The following EYS variants were observed in gnomAD, a reference collection of about 807,000 sequenced individuals.
The protein encoded by EYS is EGF-like photoreceptor maintenance factor.
EYS carries 250 observed loss-of-function variants against 282.1 expected under a neutral mutation model. That is an observed-to-expected ratio of 0.89 (90% confidence interval 0.80 to 0.98). The LOEUF is 0.98. Ranked by LOEUF, EYS falls within the 50% of genes least tolerant of loss-of-function variation. The pLI, the probability that EYS is intolerant of heterozygous loss-of-function variation, is 0.00. For synonymous variants in EYS, 1,355 were observed against 1,282.9 expected (o/e 1.06, Z -1.20); for missense variants, 4,016 against 3,709.0 (o/e 1.08, Z -2.15).
intron 12 of EYS, among the ~76,000 whole-genome samples, chr6:65,185,037 GA>G (rs200241313): frequency 0.11 from 15,431 of 144,418 alleles, 1,172 homozygotes; most frequent in African/African-American, 0.22. Flanking sequence ...AAAAAAGAAA[GA>G]AAAAAAAAAC....
At chr6:63,894,620 C>T (rs1205823734) in intron 35 of EYS, among the ~76,000 whole-genome samples, 9 of 151,448 alleles carry the variant, frequency 5.9e-5, no homozygotes, top group South Asian at 2.1e-4. Flanking sequence ...CTCACTCTGT[C>T]GCCCAGGCTG....
intron 35 of EYS, among the ~76,000 whole-genome samples, chr6:63,881,509 T>C (rs1773131763): frequency 6.6e-6 from 1 of 152,212 alleles, no homozygotes; most frequent in Admixed American, 6.5e-5. Context: ...TGGTAACTAA[T>C]ATATATAAAT....
At chr6:65,597,198 G>A (rs1301458672) in intron 2 of EYS, among the ~76,000 whole-genome samples, 1 of 151,968 alleles carries the variant, frequency 6.6e-6, no homozygotes, top group Non-Finnish European at 1.5e-5. Context: ...TTAATTGTAG[G>A]GCTCTCCTGT....
intron 29 of EYS, among the ~76,000 whole-genome samples, chr6:64,364,890 C>A (rs112020286): frequency 2.0e-5 from 3 of 151,892 alleles, no homozygotes; most frequent in Admixed American, 1.3e-4. Flanking sequence ...ACTGGTACCC[C>A]TAAATCTATA....
At chr6:64,165,720 T>C (rs1379492456) in intron 31 of EYS, among the ~76,000 whole-genome samples, 4 of 152,172 alleles carry the variant, frequency 2.6e-5, no homozygotes, top group Admixed American at 2.6e-4. Flanking sequence ...ATGATTCCCA[T>C]TAATATGGCT....
At chr6:65,178,799 G>A (rs550986807) in intron 12 of EYS, among the ~76,000 whole-genome samples, 33 of 151,902 alleles carry the variant, frequency 2.2e-4, no homozygotes, top group East Asian at 7.8e-4. Context: ...AAAATTGACC[G>A]TATAGTTGGA....
intron 5 of EYS, among the ~76,000 whole-genome samples, chr6:65,465,882 G>T (rs989942105): frequency 4.6e-5 from 7 of 152,122 alleles, no homozygotes; most frequent in Non-Finnish European, 7.4e-5. Flanking sequence ...TGTGGTGGGA[G>T]GATCCCTTGA....
intron 2 of EYS, among the ~76,000 whole-genome samples, chr6:65,618,122 T>C (rs376315371): frequency 5.3e-4 from 80 of 151,832 alleles, no homozygotes; most frequent in East Asian, 1.9e-3. Context: ...CCTGAGGAAT[T>C]GCCACACTGA....
chr6:64,234,663 C>T (rs1302577827), intron 30 of EYS, among the ~76,000 whole-genome samples: 3 of 152,092 alleles, frequency 2.0e-5, no homozygotes, highest in Admixed American at 2.0e-4. Context: ...TTGTCATTCT[C>T]AAAAGAAATG....
intron 33 of EYS, among the ~76,000 whole-genome samples, chr6:64,052,179 A>G (rs1320938080): frequency 6.6e-6 from 1 of 152,118 alleles, no homozygotes; most frequent in Non-Finnish European, 1.5e-5. Context: ...AAAATTTGCT[A>G]TTTTCTCAGT....
chr6:63,914,435 G>A (rs957258905), intron 35 of EYS, among the ~76,000 whole-genome samples: 2 of 152,320 alleles, frequency 1.3e-5, no homozygotes, highest in East Asian at 3.9e-4. Context: ...AAGGCCGGGT[G>A]CAGTGGCTCA....
intron 22 of EYS, among the ~76,000 whole-genome samples, chr6:64,697,287 A>T (rs978638038): frequency 1.3e-5 from 2 of 152,184 alleles, no homozygotes; most frequent in African/African-American, 4.8e-5. Flanking sequence ...AATCAAAAAC[A>T]GTAAAAAAAG....
intron 13 of EYS, among the ~76,000 whole-genome samples, chr6:65,024,984 A>G (rs1184121547): frequency 1.3e-5 from 2 of 152,216 alleles, no homozygotes; most frequent in African/African-American, 2.4e-5. Context: ...AGAAGCAGAT[A>G]AATACCTCTA....
At chr6:64,746,423 C>T (rs1430661200) in intron 22 of EYS, among the ~76,000 whole-genome samples, 2 of 151,948 alleles carry the variant, frequency 1.3e-5, no homozygotes, top group Non-Finnish European at 2.9e-5. Context: ...ATTGGACTTC[C>T]TAGCCTCCAG....
At chr6:64,130,041 T>A (rs13214312) in intron 31 of EYS, among the ~76,000 whole-genome samples, 1 of 152,072 alleles carries the variant, frequency 6.6e-6, no homozygotes, top group South Asian at 2.1e-4. Context: ...AGCCTTGTAG[T>A]ATAGTTTGAA....
intron 13 of EYS, among the ~76,000 whole-genome samples, chr6:65,014,420 A>T (rs1454450965): frequency 6.6e-6 from 1 of 152,192 alleles, no homozygotes; most frequent in Non-Finnish European, 1.5e-5. Flanking sequence ...ACAGAAAAGT[A>T]ATACAGTCAA....
intron 5 of EYS, among the ~76,000 whole-genome samples, chr6:65,440,665 AT>A (rs903705830): frequency 2.0e-3 from 297 of 150,768 alleles, no homozygotes; most frequent in African/African-American, 7.0e-3. Flanking sequence ...TGTAAAGCTA[AT>A]TTTTTTTGTA....
chr6:63,980,986 G>C (rs1308946769), intron 35 of EYS, among the ~76,000 whole-genome samples: 1 of 151,838 alleles, frequency 6.6e-6, no homozygotes, highest in African/African-American at 2.4e-5. Flanking sequence ...TCACTCAGTA[G>C]CACAGGGTTT....
At chr6:63,817,589 G>A (rs1771212173) in intron 36 of EYS, among the ~76,000 whole-genome samples, 1 of 152,168 alleles carries the variant, frequency 6.6e-6, no homozygotes, top group African/African-American at 2.4e-5. Context: ...AGGAGAAAAT[G>A]TAGTTTGTAC....
Sources: gnomAD v4.1 joint callset for allele counts (sites outside exome capture counted in the v4.1 genomes callset) on GRCh38, gnomAD v4.1.1 for gene constraint, MANE v1.5 for transcripts, NCBI Gene and HGNC (gene_info 2026-07-23, HGNC 2026-07-21) for gene names.